Variants in FRAS1 observed in about 807,000 individuals in gnomAD.
The protein encoded by FRAS1 is extracellular matrix organizing protein FRAS1.
In FRAS1, 290 loss-of-function variants were observed where a neutral mutation model predicts 435.2. The ratio of observed to expected loss-of-function variants is 0.67; its 90% CI spans 0.61 to 0.73. The LOEUF is 0.73. Among genes scored for constraint, FRAS1 ranks in the 30% least tolerant of loss-of-function variants. The pLI is 0.00. For missense variants in FRAS1, 4,860 were observed against 5,001.5 expected (o/e 0.97, Z 0.85); for synonymous variants, 1,800 against 1,851.0 (o/e 0.97, Z 0.71).
chr4:78,403,026 T>C lies in FRAS1; in HGVS notation c.4129+2139T>C, dbSNP rs145173956. On this transcript the variant is annotated intron_variant, in intron 30 of 73. Transcript: ENST00000512123. ...GTTAAAGTGGTGTCTACCAGATTTT[T>C]CCACTCTAAAGTTACTATTTTTCCA... is the stretch of plus-strand genomic sequence containing the variant. 8.2e-3 allele frequency among the ~76,000 whole-genome samples: 1,249 copies of C among 152,304 alleles called. 15 individuals are homozygous for C. The highest frequency in any genetic ancestry group is 0.029 in the African/African-American group (1,207 of 41,560).
Position 78,464,508 on chromosome 4 carries a change from A to T in FRAS1, c.6954A>T (p.Leu2318Phe). The change falls in exon 49 of 74, where the codon TTA becomes TTT. Residue 2318 changes from leucine (L) to phenylalanine (F), a missense_variant. Leu to Phe is a conservative substitution (Grantham distance 22). Transcript: ENST00000512123. ...ATTCGCTGCCCGTCGTACAGAACTTAGGAATGCGGGTGCAGGAGGGCATGA... is the reference window on the plus strand; with the variant it reads ...ATTCGCTGCCCGTCGTACAGAACTTTGGAATGCGGGTGCAGGAGGGCATGA... ...VDDSLPVVQNLGMRVQEGMRK... is the reference protein window; with the variant it reads ...VDDSLPVVQNFGMRVQEGMRK... 6.2e-7 allele frequency: 1 copy of T among 1,614,004 alleles called. No individual in the cohort carries two copies. The highest frequency in any genetic ancestry group is 8.5e-7 in the Non-Finnish European group (1 of 1,179,850).
At position 78,377,408 on chromosome 4, in the gene FRAS1, G is replaced by A. The variant is rs1468718777; in HGVS notation, c.3292+1529G>A. ...AAATGAGTGCCACTCTCATTAGAGC[G>A]ATCTTACAGTCGAAGTAGTCCCACT... On this transcript the variant is annotated intron_variant, in intron 26 of 73. Transcript: ENST00000512123. Among the ~76,000 whole-genome samples the A allele has an allele frequency of 2.0e-5, 3 of 152,234 alleles. No individual in the cohort carries two copies. The East Asian group carries it at 5.8e-4, about 29-fold the overall frequency.
intron 37 of FRAS1, among the ~76,000 whole-genome samples, chr4:78,430,709 C>T (rs1229338787): frequency 6.6e-6 from 1 of 152,028 alleles, no homozygotes; most frequent in Non-Finnish European, 1.5e-5. Context: ...TTCAGAATGA[C>T]ACCATATGAG....
chr4:78,521,969 A>C (rs1721399664), intron 68 of FRAS1, among the ~76,000 whole-genome samples: 1 of 152,230 alleles, frequency 6.6e-6, no homozygotes, highest in Non-Finnish European at 1.5e-5. Context: ...ATTGTTCCAC[A>C]AACGTCTTTT....
At chr4:78,152,799 G>T (rs563113374) in intron 2 of FRAS1, among the ~76,000 whole-genome samples, 1 of 151,816 alleles carries the variant, frequency 6.6e-6, no homozygotes. Context: ...TTGCTCCTTT[G>T]GTTGGATCTA....
intron 2 of FRAS1, among the ~76,000 whole-genome samples, chr4:78,154,668 G>A (rs543391376): frequency 2.1e-4 from 32 of 152,042 alleles, no homozygotes; most frequent in African/African-American, 7.5e-4. Flanking sequence ...CATTCTTATT[G>A]TGATTATTTT....
chr4:78,499,906 T>G lies in FRAS1; in HGVS notation c.9301T>G (p.Leu3101Val). 6.4e-7 allele frequency: 1 copy of G among 1,572,446 alleles called. No individual in the cohort carries two copies. Among genetic ancestry groups the G allele is most frequent in the Non-Finnish European group, 8.7e-7 (1 of 1,151,900 alleles). ...GVDYYPKSRV[L>V]KFSPGVDHIF... ...GGATTATTACCCAAAGAGCCGAGTC[T>G]TGAAGTTCAGTCCCGGTAATTGAAT... The change falls in exon 61 of 74, where the codon TTG becomes GTG. Residue 3101 changes from leucine to valine, a missense_variant. Physicochemically the swap from Leu to Val is conservative, Grantham distance 32. Transcript: ENST00000512123.
At position 78,064,403 on chromosome 4, in the gene FRAS1, C is replaced by T. The variant is rs544745013; in HGVS notation, c.77-1582C>T. Among the ~76,000 whole-genome samples, 7 of 151,242 alleles carry T rather than the reference C, an allele frequency of 4.6e-5. No homozygotes were observed. In the East Asian group the frequency reaches 1.4e-3, roughly 29 times the overall value. On this transcript the variant is annotated intron_variant, in intron 1 of 73. Coordinates refer to ENST00000512123, the MANE Select transcript of FRAS1 (RefSeq NM_025074.7). ...AATAAGTTTGTGTAAAATATAAACTCAAAAATGACATATTTATATTAATTA... is the reference window on the plus strand; with the variant it reads ...AATAAGTTTGTGTAAAATATAAACTTAAAAATGACATATTTATATTAATTA...
At chr4:78,504,780 G>A (rs896400317) in intron 61 of FRAS1, among the ~76,000 whole-genome samples, 1 of 152,150 alleles carries the variant, frequency 6.6e-6, no homozygotes, top group Non-Finnish European at 1.5e-5. Context: ...ATATTAGCTG[G>A]TTATTTTGCC....
At chr4:78,381,936 G>T (rs1732037674) in intron 27 of FRAS1, among the ~76,000 whole-genome samples, 1 of 152,156 alleles carries the variant, frequency 6.6e-6, no homozygotes, top group South Asian at 2.1e-4. Flanking sequence ...ATAAAACGAG[G>T]TTGGTAGAAA....
Position 78,468,012 on chromosome 4 carries a change from A to G in FRAS1, c.7257+1577A>G, listed in dbSNP as rs149488822. ...GAGTAGATGGCAGATATTTTCACCC[A>G]TTCCTTGGGTGGTCCCTTCACTGTG... On this transcript the variant is annotated intron_variant, in intron 50 of 73. Transcript: ENST00000512123. 5.1e-3 allele frequency among the ~76,000 whole-genome samples: 783 copies of G among 152,252 alleles called. 10 individuals carry two copies. Among genetic ancestry groups the G allele is most frequent in the Non-Finnish European group, 8.5e-3 (575 of 68,004 alleles).
chr4:78,213,026 T>G (rs772120489), intron 2 of FRAS1, among the ~76,000 whole-genome samples: 8 of 152,176 alleles, frequency 5.3e-5, no homozygotes, highest in African/African-American at 1.4e-4. Flanking sequence ...CACCTCCTTA[T>G]GGACTAGTCT....
chr4:78,307,225 C>T (rs1728781765), intron 14 of FRAS1, among the ~76,000 whole-genome samples: 1 of 152,236 alleles, frequency 6.6e-6, no homozygotes. Flanking sequence ...TGCCAGTTTT[C>T]AGATCTCAAG....
chr4:78,507,505 C>T lies in FRAS1; in HGVS notation c.9401C>T (p.Pro3134Leu). 6.2e-7 allele frequency: 1 copy of T among 1,612,346 alleles called. No individual in the cohort carries two copies. The highest frequency in any genetic ancestry group is 8.5e-7 in the Non-Finnish European group (1 of 1,179,266). Residue 3134 changes from proline (P) to leucine (L), a missense_variant, in exon 62 of 74, where the codon CCA (proline) becomes CTA (leucine). Transcript: ENST00000512123. ...GAATCTTTCTCACTAGTCCTTGGCC[C>T]AGATGACCCAGTGGAAGCAGTTCTT... ...WHESFSLVLG[P>L]DDPVEAVLGD...
chr4:78,098,276 CT>C lies in FRAS1; in HGVS notation c.108+32276del, dbSNP rs5859606. Among the ~76,000 whole-genome samples, 256 of 132,748 alleles carry C rather than the reference CT, an allele frequency of 1.9e-3. 1 individual carries two copies. Among genetic ancestry groups the C allele is most frequent in the South Asian group, 3.4e-3 (14 of 4,110 alleles). The allele number at this position is 132,748 out of a possible 152,430, so 87.1% of individuals were successfully genotyped here. A position where few individuals can be genotyped will look rare whatever the true frequency, so the allele number is the denominator to read the frequency against. On this transcript the variant is annotated intron_variant, in intron 2 of 73. Transcript: ENST00000512123. ...ATGTGGGGGTTAGGATAGATCTTTT[CT>C]TTTTTTTTTTTTTTTGGACAGAGTC...
chr4:78,234,328 C>T (rs933305165), intron 2 of FRAS1, among the ~76,000 whole-genome samples: 19 of 152,238 alleles, frequency 1.2e-4, no homozygotes, highest in Non-Finnish European at 1.8e-4. Flanking sequence ...CGGGTTCACG[C>T]CATTCTCCTG....
intron 2 of FRAS1, among the ~76,000 whole-genome samples, chr4:78,213,035 C>T (rs1383413109): frequency 6.6e-6 from 1 of 152,196 alleles, no homozygotes; most frequent in Non-Finnish European, 1.5e-5. Flanking sequence ...ATGGACTAGT[C>T]TCTGGATGCA....
Position 78,369,985 on chromosome 4 carries a change from G to A in FRAS1, c.2869+1G>A, listed in dbSNP as rs1731436153. On this transcript the variant is annotated splice_donor_variant, in intron 23 of 73. Coordinates refer to ENST00000512123, the MANE Select transcript of FRAS1 (RefSeq NM_025074.7). LOFTEE classifies it high-confidence loss of function. ...GACTTCTCCACCAACACGTGCAAAG[G>A]TAAAGCTCTTCCTGAATTGTGTAAA... 6.2e-7 allele frequency: 1 copy of A among 1,612,254 alleles called. No individual in the cohort carries two copies. The highest frequency in any genetic ancestry group is 8.5e-7 in the Non-Finnish European group (1 of 1,178,904).
rs546080165 is a variant in FRAS1 at position 78,224,679 on chromosome 4, C to T, written c.109-12831C>T. ...TCCCATGTAGCTGGGTCCACAGGTGCGCACCACGGCACCCAGCTAATTATT... is the reference window on the plus strand; with the variant it reads ...TCCCATGTAGCTGGGTCCACAGGTGTGCACCACGGCACCCAGCTAATTATT... On this transcript the variant is annotated intron_variant, in intron 2 of 73. Coordinates refer to ENST00000512123, the MANE Select transcript of FRAS1 (RefSeq NM_025074.7). Among the ~76,000 whole-genome samples the T allele has an allele frequency of 4.3e-4, 66 of 152,102 alleles. 2 individuals carry two copies. The South Asian group carries it at 8.7e-3, about 20-fold the overall frequency.
Sources: gnomAD v4.1 joint callset for allele counts (sites outside exome capture counted in the v4.1 genomes callset) on GRCh38, gnomAD v4.1.1 for gene constraint, MANE v1.5 for transcripts, NCBI Gene and HGNC (gene_info 2026-07-23, HGNC 2026-07-21) for gene names.